The following RPAP1 variants were observed in gnomAD, a reference collection of about 807,000 sequenced individuals.
RPAP1 encodes RNA polymerase II associated protein 1.
Under a neutral mutation model 142.4 loss-of-function variants are expected in RPAP1, and 109 were observed. The observed-to-expected ratio is 0.77, with a 90% confidence interval of 0.66 to 0.90. The LOEUF (loss-of-function observed/expected upper bound fraction) is 0.90. RPAP1 is among the 40% of genes least tolerant of loss of function. RPAP1 has a pLI of 0.00. For missense variants in RPAP1, 1,546 were observed against 1,751.7 expected (o/e 0.88, Z 2.10); for synonymous variants, 704 against 738.9 (o/e 0.95, Z 0.77).
intron 1 of RPAP1, among the ~76,000 whole-genome samples, chr15:41,539,185 T>G (rs752499928): frequency 2.0e-5 from 3 of 152,176 alleles, no homozygotes; most frequent in Non-Finnish European, 4.4e-5. Flanking sequence ...CTTGGCTCAC[T>G]GCAACCTCTA....
chr15:41,531,441 G>C (rs1386827103), intron 6 of RPAP1, among the ~76,000 whole-genome samples: 2 of 151,740 alleles, frequency 1.3e-5, no homozygotes, highest in Admixed American at 1.3e-4. Flanking sequence ...ATCCCTCACA[G>C]TCCACTGGCC....
At chr15:41,534,215 C>T (rs1228740778) in intron 6 of RPAP1, among the ~76,000 whole-genome samples, 2 of 151,396 alleles carry the variant, frequency 1.3e-5, no homozygotes, top group Admixed American at 6.6e-5. Flanking sequence ...GTTGGGAGTT[C>T]GAGACCAGCC....
intron 1 of RPAP1, among the ~76,000 whole-genome samples, chr15:41,538,107 G>C (rs1428360141): frequency 6.6e-6 from 1 of 152,110 alleles, no homozygotes; most frequent in Non-Finnish European, 1.5e-5. Context: ...GCCGGGCGTG[G>C]TGGCGGGCAC....
intron 1 of RPAP1, among the ~76,000 whole-genome samples, chr15:41,539,420 G>C (rs1170074899): frequency 6.6e-6 from 1 of 151,982 alleles, no homozygotes; most frequent in Non-Finnish European, 1.5e-5. Flanking sequence ...TCAGCCTCCT[G>C]AGTAGCTGGG....
At chr15:41,523,434 C>T in intron 17 of RPAP1, 80 bp from the exon 18 acceptor site, 1 of 932,484 alleles carries the variant, frequency 1.1e-6, no homozygotes. Context: ...CCAATGCCAC[C>T]ATCCCAACAG....
chr15:41,526,839 G>T, intron 14 of RPAP1, 59 bp downstream of exon 14: 2 of 1,506,902 alleles, frequency 1.3e-6, no homozygotes, highest in African/African-American at 1.4e-5. Flanking sequence ...GCCATGTTTA[G>T]CTCCCAACCC....
chr15:41,518,099 A>G lies in RPAP1; in HGVS notation c.3879T>C (p.Thr1293=), dbSNP rs199645284. The stretch of plus-strand genomic sequence containing the variant: ...GGCACCAACGTGGGCGGAGCGCACC[A>G]GTAACCAGGGTCCGGAAGTAGAGCT... ...LLQLYFRTLV[T]GALRPRWCPV... The change falls in exon 23 of 25, where the codon ACT becomes ACC. Residue 1293 remains threonine, a synonymous_variant. Transcript: ENST00000304330. The G allele has an allele frequency of 6.2e-6, 10 of 1,608,850 alleles. No homozygotes were observed. Among genetic ancestry groups the G allele is most frequent in the Non-Finnish European group, 8.5e-6 (10 of 1,178,712 alleles).
At position 41,518,046 on chromosome 15, in the gene RPAP1, T is replaced by TGAGCCA. The variant is rs1415476220; in HGVS notation, c.3926_3931dup (p.Ala1310_His1311insLeuAla). Reference sequence around the variant, plus strand: ...CTGAGAGAAGATGAAGCTATTGACATGAGCCACAGCCACAGCATAGAGCAC... The same window carrying TGAGCCA: ...CTGAGAGAAGATGAAGCTATTGACATGAGCCAGAGCCACAGCCACAGCATAGAGCAC... On this transcript the variant is annotated inframe_insertion, in exon 23 of 25. Transcript: ENST00000304330. The TGAGCCA allele has an allele frequency of 6.2e-7, 1 of 1,613,982 alleles. No individual in the cohort carries two copies. Among genetic ancestry groups the TGAGCCA allele is most frequent in the Non-Finnish European group, 8.5e-7 (1 of 1,179,964 alleles).
chr15:41,532,833 G>T (rs79462015), intron 6 of RPAP1, among the ~76,000 whole-genome samples: 14 of 151,898 alleles, frequency 9.2e-5, no homozygotes, highest in African/African-American at 3.1e-4. Context: ...AAAAAAATTA[G>T]CTGGGTGTGG....
At chr15:41,524,047 C>T in intron 16 of RPAP1, 49 bp downstream of exon 16, 2 of 1,602,078 alleles carry the variant, frequency 1.2e-6, no homozygotes, top group Non-Finnish European at 1.7e-6. Flanking sequence ...CCACCCCAGC[C>T]CTGTGGAGGA....
chr15:41,528,547 G>A (rs1403305512), intron 9 of RPAP1, among the ~76,000 whole-genome samples: 1 of 152,168 alleles, frequency 6.6e-6, no homozygotes, highest in African/African-American at 2.4e-5. Flanking sequence ...TTTAATTTGC[G>A]ACCGGCGGAC....
intron 1 of RPAP1, among the ~76,000 whole-genome samples, chr15:41,539,489 G>A (rs1302017544): frequency 6.6e-6 from 1 of 151,820 alleles, no homozygotes; most frequent in Non-Finnish European, 1.5e-5. Context: ...GTAGAGACAG[G>A]GTTTCACCAT....
intron 14 of RPAP1, 92 bp from the exon 15 acceptor site, chr15:41,525,240 T>C: frequency 8.8e-7 from 1 of 1,136,628 alleles, no homozygotes; most frequent in Non-Finnish European, 1.2e-6. Context: ...AACTCAACCC[T>C]GACCCAGGCC....
In RPAP1 at chr15:41,520,807, C is replaced by A. The variant is rs1225492158; in HGVS notation, c.3379G>T (p.Gly1127Cys). The A allele has an allele frequency of 6.2e-7, 1 of 1,613,856 alleles. No individual in the cohort carries two copies. The highest frequency in any genetic ancestry group is 1.3e-5 in the African/African-American group (1 of 75,064). ...CACTGCAGGACCCGCATGGCTGTGC[C>A]CATGGTGTCTGTGGGAGAGAGTCCC... ...PSGLSPTDTM[G>C]TAMRVLQWVL... is the part of the protein sequence containing the mutation. The change falls in exon 22 of 25, where the codon GGC (glycine) becomes TGC (cysteine). Residue 1127 changes from glycine to cysteine, a missense_variant. Gly to Cys is a radical substitution (Grantham distance 159). Transcript: ENST00000304330.
chr15:41,527,539 C>T lies in RPAP1; in HGVS notation c.1495G>A (p.Glu499Lys). ...TCCTCGTCCTCATCCTCCTTGTCCT[C>T]CTGGCTGGGCATCAGAGGGAACGTC... is the stretch of plus-strand genomic sequence containing the variant. ...ALTFPLMPSQ[E>K]DKEDEDEDEE... is the part of the protein sequence containing the mutation. Residue 499 changes from glutamate to lysine, a missense_variant, in exon 12 of 25, where the codon GAG becomes AAG. Glu to Lys is a moderately conservative substitution (Grantham distance 56). This residue lies in a region of RPAP1 where 1,333 missense variants were observed against 1,486.6 expected (regional missense o/e 0.90). Coordinates refer to ENST00000304330, the MANE Select transcript of RPAP1 (RefSeq NM_015540.4). The T allele has an allele frequency of 6.2e-7, 1 of 1,614,164 alleles. No individual in the cohort carries two copies. Among genetic ancestry groups the T allele is most frequent in the Non-Finnish European group, 8.5e-7 (1 of 1,180,024 alleles).
intron 20 of RPAP1, 98 bp from the exon 21 acceptor site, chr15:41,521,978 T>C: frequency 1.3e-6 from 2 of 1,558,538 alleles, no homozygotes; most frequent in Non-Finnish European, 8.8e-7. Context: ...AGGGCAGAGG[T>C]CCAGGGCATG....
intron 1 of RPAP1, among the ~76,000 whole-genome samples, chr15:41,538,048 C>G (rs2051930892): frequency 1.3e-5 from 2 of 152,238 alleles, no homozygotes; most frequent in South Asian, 4.1e-4. Context: ...TCAAGACCAT[C>G]CTGGTTAACA....
In RPAP1 at chr15:41,536,142, G is replaced by C. The variant is rs142677356; in HGVS notation, c.407C>G (p.Ser136Trp). The change falls in exon 4 of 25, where the codon TCG becomes TGG. Residue 136 changes from serine (S) to tryptophan (W), a missense_variant. Around this residue, in one of 3 missense-constraint regions of RPAP1, gnomAD observed 1,333 missense variants for 1,486.6 expected, o/e 0.90. Transcript: ENST00000304330. ...ACCCTTGCCTACCTGTGTGTCCCGC[G>C]AGCGAAGGAACACAGCAGGGAAAGC... ...GVAFPAVFLR[S>W]RDTQGKSATS... 2.5e-6 allele frequency: 4 copies of C among 1,613,842 alleles called. No individual in the cohort carries two copies. Among genetic ancestry groups the C allele is most frequent in the Non-Finnish European group, 3.4e-6 (4 of 1,179,820 alleles).
intron 2 of RPAP1, 140 bp downstream of exon 2, chr15:41,536,805 G>A (rs1595488780): frequency 1.5e-6 from 2 of 1,375,052 alleles, no homozygotes; most frequent in East Asian, 2.3e-5. Context: ...TTCTTCCTCT[G>A]TAAAATGGGG....
Sources: gnomAD v4.1 joint callset for allele counts (sites outside exome capture counted in the v4.1 genomes callset) on GRCh38, gnomAD v4.1.1 for gene constraint, gnomAD v4.1.1 regional missense constraint, MANE v1.5 for transcripts, NCBI Gene and HGNC (gene_info 2026-07-23, HGNC 2026-07-21) for gene names.